LYPLAL1: variants seen among roughly 807,000 people sequenced by gnomAD.
LYPLAL1 encodes lysophospholipase-like protein 1.
In LYPLAL1, 23 loss-of-function variants were observed where a neutral mutation model predicts 19.7. The ratio of observed to expected loss-of-function variants is 1.17; its 90% CI spans 0.84 to 1.65. The LOEUF (loss-of-function observed/expected upper bound fraction) is 1.65. LYPLAL1 is among the 40% of genes most tolerant of loss of function. The probability of loss-of-function intolerance (pLI) is 0.00; values close to 1 mark genes in which losing one functional copy is unlikely to be tolerated. For missense variants in LYPLAL1, 355 were observed against 279.4 expected (o/e 1.27, Z -1.93); for synonymous variants, 119 against 96.3 (o/e 1.24, Z -1.38).
At chr1:219,324,525 G>C in the LYPLAL1 span, among the ~76,000 whole-genome samples, 1 of 152,150 alleles carries the variant, frequency 6.6e-6, no homozygotes, top group Non-Finnish European at 1.5e-5. Flanking sequence ...AAAGGCAGCA[G>C]CTAAAATTTA....
chr1:219,422,367 T>A, the LYPLAL1 span, among the ~76,000 whole-genome samples: 1 of 152,192 alleles, frequency 6.6e-6, no homozygotes, highest in East Asian at 1.9e-4. Context: ...AACCAGGAAC[T>A]TTGTATTTTT....
the LYPLAL1 span, among the ~76,000 whole-genome samples, chr1:219,414,328 G>A: frequency 6.6e-6 from 1 of 152,056 alleles, no homozygotes; most frequent in African/African-American, 2.4e-5. Context: ...GTGACATTAG[G>A]GATAAAGAAA....
rs375000079 is a variant in LYPLAL1 at position 219,193,189 on chromosome 1, T to C, written c.299T>C (p.Val100Ala). 31 of 1,610,626 alleles carry C rather than the reference T, an allele frequency of 1.9e-5. No individual in the cohort carries two copies. The African/African-American group carries it at 3.3e-4, about 17-fold the overall frequency. The stretch of plus-strand genomic sequence containing the variant: ...GAATCAATTGATGTCATGTGTCAAG[T>C]GCTTACTGATTTGATTGATGAAGAA... ...HLESIDVMCQ[V>A]LTDLIDEEVK... Residue 100 changes from valine (V) to alanine (A), a missense_variant, in exon 3 of 5, where the codon GTG becomes GCG. Transcript: ENST00000366928.
At chr1:219,214,327 A>G (rs1332406394), downstream of LYPLAL1, among the ~76,000 whole-genome samples, 1 of 152,064 alleles carries the variant, frequency 6.6e-6, no homozygotes, top group African/African-American at 2.4e-5. Context: ...TTTGGTCTGC[A>G]GTTTTTGCTT....
At chr1:219,396,991 C>T in the LYPLAL1 span, among the ~76,000 whole-genome samples, 42,429 of 151,970 alleles carry the variant, frequency 0.28, 6,265 homozygotes, top group East Asian at 0.5. Context: ...TGTCTTGTGC[C>T]TGTTTTCAAA....
chr1:219,328,908 G>C, the LYPLAL1 span, among the ~76,000 whole-genome samples: 3 of 152,070 alleles, frequency 2.0e-5, no homozygotes, highest in Non-Finnish European at 4.4e-5. Flanking sequence ...ATGAATAAGT[G>C]TCTTGTTTTC....
chr1:219,437,751 A>ATTTATTTTATTTTAT, the LYPLAL1 span, among the ~76,000 whole-genome samples: 477 of 143,538 alleles, frequency 3.3e-3, 4 homozygotes, highest in African/African-American at 9.4e-3. Context: ...ATTTTATTGT[A>ATTTATTTTATTTTAT]TTTATTTTAT....
At chr1:219,326,955 C>T in the LYPLAL1 span, among the ~76,000 whole-genome samples, 1 of 152,130 alleles carries the variant, frequency 6.6e-6, no homozygotes, top group Non-Finnish European at 1.5e-5. Context: ...CAGCAGGGGC[C>T]GGGCGCAGTG....
the LYPLAL1 span, among the ~76,000 whole-genome samples, chr1:219,227,963 A>G: frequency 1.3e-5 from 2 of 152,174 alleles, no homozygotes; most frequent in East Asian, 3.9e-4. Context: ...CAGTGTAGCC[A>G]GGCTGTTCAG....
intron 3 of LYPLAL1, among the ~76,000 whole-genome samples, chr1:219,206,624 G>A (rs1658589004): frequency 6.6e-6 from 1 of 151,802 alleles, no homozygotes; most frequent in Non-Finnish European, 1.5e-5. Context: ...TTTCTTCATT[G>A]TAACTTAAGA....
chr1:219,392,733 A>C, the LYPLAL1 span, among the ~76,000 whole-genome samples: 30 of 152,340 alleles, frequency 2.0e-4, 1 homozygote, highest in East Asian at 5.6e-3. Context: ...ACAGAAATAG[A>C]TATTTTATTT....
intron 3 of LYPLAL1, among the ~76,000 whole-genome samples, chr1:219,201,275 A>G (rs1658075063): frequency 6.6e-6 from 1 of 151,586 alleles, no homozygotes; most frequent in South Asian, 2.1e-4. Flanking sequence ...TCTCATTAGA[A>G]CGTGGGTGAA....
the LYPLAL1 span, among the ~76,000 whole-genome samples, chr1:219,239,876 C>T: frequency 6.6e-6 from 1 of 152,190 alleles, no homozygotes; most frequent in African/African-American, 2.4e-5. Flanking sequence ...GATCACTAGA[C>T]TTTTCCCTGC....
At chr1:219,190,057 AACTT>A (rs1165963892) in intron 2 of LYPLAL1, among the ~76,000 whole-genome samples, 2 of 151,628 alleles carry the variant, frequency 1.3e-5, no homozygotes, top group African/African-American at 4.8e-5. Context: ...AATAGAAACT[AACTT>A]AATAGATAAA....
At chr1:219,400,331 A>G in the LYPLAL1 span, among the ~76,000 whole-genome samples, 1 of 151,972 alleles carries the variant, frequency 6.6e-6, no homozygotes, top group Non-Finnish European at 1.5e-5. Context: ...CTCCTTTTTC[A>G]TACTACAACT....
the LYPLAL1 span, among the ~76,000 whole-genome samples, chr1:219,286,626 G>A: frequency 6.6e-6 from 1 of 152,226 alleles, no homozygotes; most frequent in Non-Finnish European, 1.5e-5. Flanking sequence ...GGCTGAGAGT[G>A]GGACAGTGTC....
chr1:219,272,218 A>G, the LYPLAL1 span: 1 of 152,520 alleles, frequency 6.6e-6, no homozygotes, highest in Non-Finnish European at 1.5e-5. Flanking sequence ...CAAACTGCCC[A>G]GACTTAGAAT....
chr1:219,345,672 A>G, the LYPLAL1 span, among the ~76,000 whole-genome samples: 1 of 152,138 alleles, frequency 6.6e-6, no homozygotes, highest in Admixed American at 6.6e-5. Flanking sequence ...GGTGGAGAGC[A>G]ATCCCATCCA....
the LYPLAL1 span, among the ~76,000 whole-genome samples, chr1:219,368,513 G>A: frequency 7.9e-5 from 12 of 152,028 alleles, no homozygotes; most frequent in Non-Finnish European, 1.3e-4. Context: ...CACTACTTTC[G>A]TAATCTCAGG....
Sources: allele counts gnomAD v4.1 joint callset (sites outside exome capture counted in the v4.1 genomes callset), GRCh38; gene constraint gnomAD v4.1.1; transcripts MANE v1.5; gene names NCBI Gene and HGNC (gene_info 2026-07-23, HGNC 2026-07-21).